Variants in NUMB observed in about 807,000 individuals in gnomAD.
NUMB encodes NUMB endocytic adaptor protein.
In NUMB, 29 loss-of-function variants were observed where a neutral mutation model predicts 59.7. That is an observed-to-expected ratio of 0.49 (90% CI 0.36 to 0.66). The LOEUF is 0.66. NUMB is among the 30% of genes least tolerant of loss of function. NUMB has a pLI of 0.00. For missense variants in NUMB, 723 were observed against 822.0 expected, an observed-to-expected ratio of 0.88 and a Z score of 1.47; for synonymous variants, 288 against 288.2, an observed-to-expected ratio of 1.00 and a Z score of 0.01.
chr14:73,422,183 A>T (rs1185130599), intron 1 of NUMB, among the ~76,000 whole-genome samples: 1 of 152,028 alleles, frequency 6.6e-6, no homozygotes, highest in Non-Finnish European at 1.5e-5. Context: ...TTTCACCTAC[A>T]ATGTCTGGGG....
chr14:73,299,622 T>TG (rs1566732945), intron 6 of NUMB, among the ~76,000 whole-genome samples: 2 of 151,190 alleles, frequency 1.3e-5, no homozygotes, highest in African/African-American at 4.9e-5. Flanking sequence ...ATATGTCATA[T>TG]AATATGACAT....
chr14:73,310,897 A>C (rs912489941), intron 6 of NUMB, among the ~76,000 whole-genome samples: 3 of 152,184 alleles, frequency 2.0e-5, no homozygotes, highest in African/African-American at 7.2e-5. Context: ...AAATACATTA[A>C]AATTATAAAA....
At chr14:73,323,724 T>C (rs1199048422) in intron 4 of NUMB, among the ~76,000 whole-genome samples, 2 of 152,194 alleles carry the variant, frequency 1.3e-5, no homozygotes, top group Non-Finnish European at 2.9e-5. Flanking sequence ...TATAAGAGCA[T>C]GGCAGATCAC....
chr14:73,340,532 C>T (rs1053818195), intron 4 of NUMB, among the ~76,000 whole-genome samples: 1 of 152,150 alleles, frequency 6.6e-6, no homozygotes, highest in African/African-American at 2.4e-5. Flanking sequence ...AGGATGTAAG[C>T]GTAGTGCAAG....
chr14:73,287,162 A>C lies in NUMB; in HGVS notation c.603T>G (p.Thr201=). The change falls in exon 9 of 13, where the codon ACT becomes ACG. Residue 201 remains threonine (T), a synonymous_variant. Transcript: ENST00000555238. ...TGATCTCCTCTCTTTCTGCTTGTTC[A>C]GTGGCTGTTGTGACACGGAATGATC... ...REGSFRVTTA[T]EQAEREEIMK... is the part of the protein sequence containing the mutation. The C allele has an allele frequency of 6.2e-7, 1 of 1,613,900 alleles. No individual in the cohort carries two copies. Among genetic ancestry groups the C allele is most frequent in the Non-Finnish European group, 8.5e-7 (1 of 1,179,996 alleles).
chr14:73,440,989 T>C (rs1428361854), intron 1 of NUMB, among the ~76,000 whole-genome samples: 2 of 150,056 alleles, frequency 1.3e-5, no homozygotes, highest in African/African-American at 4.9e-5. Context: ...ACTTTTGTGC[T>C]TCAAAGAACA....
At chr14:73,299,554 CATAT>C (rs58271649) in intron 6 of NUMB, among the ~76,000 whole-genome samples, 1 of 129,610 alleles carries the variant, frequency 7.7e-6, no homozygotes, top group East Asian at 2.5e-4. Flanking sequence ...ATATATGTAT[CATAT>C]ATGTCATATA....
chr14:73,291,913 TG>T (rs2139829730), intron 8 of NUMB, among the ~76,000 whole-genome samples: 1 of 151,834 alleles, frequency 6.6e-6, no homozygotes, highest in Non-Finnish European at 1.5e-5. Context: ...CTTGAACTCC[TG>T]ACCTCGTGAT....
At chr14:73,433,025 C>T (rs956236955) in intron 1 of NUMB, among the ~76,000 whole-genome samples, 2 of 151,858 alleles carry the variant, frequency 1.3e-5, no homozygotes, top group East Asian at 1.9e-4. Context: ...GCCAACATGG[C>T]GAAACCCCAT....
intron 1 of NUMB, among the ~76,000 whole-genome samples, chr14:73,414,436 C>T (rs996308735): frequency 2.6e-5 from 4 of 152,190 alleles, no homozygotes; most frequent in African/African-American, 9.6e-5. Context: ...CTCTGTCGCT[C>T]TGGCTGGAAT....
chr14:73,292,879 A>C lies in NUMB; in HGVS notation c.310-5T>G, dbSNP rs1357939333. The C allele has an allele frequency of 6.2e-7, 1 of 1,613,894 alleles. No individual in the cohort carries two copies. The highest frequency in any genetic ancestry group is 8.5e-7 in the Non-Finnish European group (1 of 1,179,906). The stretch of plus-strand genomic sequence containing the variant: ...CGTCTGGTCAACTATGAGGTCCTAG[A>C]AAATACGACACACAAAGAAAGAGAA... On this transcript the variant is annotated splice_region_variant and splice_polypyrimidine_tract_variant and intron_variant, in intron 7 of 12. Transcript: ENST00000555238.
At chr14:73,429,566 A>G (rs1319483831) in intron 1 of NUMB, among the ~76,000 whole-genome samples, 6 of 152,148 alleles carry the variant, frequency 3.9e-5, no homozygotes, top group Non-Finnish European at 8.8e-5. Context: ...TTATCAATTT[A>G]CCAGTTGAAG....
chr14:73,413,858 C>T (rs946436970), intron 1 of NUMB, among the ~76,000 whole-genome samples: 8 of 152,114 alleles, frequency 5.3e-5, no homozygotes, highest in Non-Finnish European at 1.2e-4. Flanking sequence ...TGATACAGTT[C>T]CTGCCTTTAA....
At position 73,276,310 on chromosome 14, in the gene NUMB, TGTAAGGGG is replaced by T. The variant is rs1888150250; in HGVS notation, c.*260_*267del. ...CTTTGCCTCTCTGTTGCCAGAGATT[TGTAAGGGG>T]GTAAGGGAAGAGGGAGTACAGAAAG... On this transcript the variant is annotated 3_prime_UTR_variant, in exon 13 of 13. Coordinates refer to ENST00000555238, the MANE Select transcript of NUMB (RefSeq NM_001005743.2). 1 of 366,612 alleles carries T rather than the reference TGTAAGGGG, an allele frequency of 2.7e-6. No homozygotes were observed. The highest frequency in any genetic ancestry group is 6.2e-5 in the South Asian group (1 of 16,132). 22.7% of individuals were successfully genotyped at this position (366,612 alleles called of 1,614,324 possible).
rs78884405 is a variant in NUMB, at chr14:73,338,113, C to T, written c.127-14909G>A. 9.6e-3 allele frequency among the ~76,000 whole-genome samples: 1,451 copies of T among 151,874 alleles called. 29 individuals carry two copies. Among genetic ancestry groups the T allele is most frequent in the African/African-American group, 0.033 (1,370 of 41,378 alleles). On this transcript the variant is annotated intron_variant, in intron 4 of 12. Coordinates refer to ENST00000555238, the MANE Select transcript of NUMB (RefSeq NM_001005743.2). ...CAGCTTGGACAACATAGTGAGACCC[C>T]CCCACCCCCAACCTCTACAGAAAAA...
chr14:73,394,339 A>G (rs568630576), intron 2 of NUMB, among the ~76,000 whole-genome samples: 1 of 151,858 alleles, frequency 6.6e-6, no homozygotes, highest in South Asian at 2.1e-4. Context: ...TAACATATCC[A>G]TCACCTCACA....
At chr14:73,358,080 G>C (rs111788510) in intron 3 of NUMB, among the ~76,000 whole-genome samples, 250 of 152,072 alleles carry the variant, frequency 1.6e-3, no homozygotes, top group African/African-American at 5.9e-3. Flanking sequence ...TACCTCCTTA[G>C]TAGCTCTTGA....
intron 2 of NUMB, among the ~76,000 whole-genome samples, chr14:73,391,644 C>T (rs1183827205): frequency 6.6e-6 from 1 of 152,150 alleles, no homozygotes; most frequent in Non-Finnish European, 1.5e-5. Flanking sequence ...CTGGGCCTCA[C>T]CCCTAAGGTT....
At chr14:73,378,663 T>C (rs1278100603) in intron 2 of NUMB, among the ~76,000 whole-genome samples, 1 of 152,198 alleles carries the variant, frequency 6.6e-6, no homozygotes, top group Non-Finnish European at 1.5e-5. Flanking sequence ...AAAGGCTACA[T>C]ACTGTATGAC....
Sources: allele counts gnomAD v4.1 joint callset (sites outside exome capture counted in the v4.1 genomes callset), GRCh38; gene constraint gnomAD v4.1.1; transcripts MANE v1.5; gene names NCBI Gene and HGNC (gene_info 2026-07-23, HGNC 2026-07-21).